Variants in MAST4 observed in about 807,000 individuals in gnomAD.
MAST4 encodes microtubule associated serine/threonine kinase family member 4.
A neutral mutation model predicts 162.7 loss-of-function variants in MAST4; 89 were observed. The ratio of observed to expected loss-of-function variants is 0.55; its 90% CI spans 0.46 to 0.65. The LOEUF (loss-of-function observed/expected upper bound fraction) is 0.65. MAST4 is among the 30% of genes least tolerant of loss of function. The pLI is 0.00. For missense variants in MAST4, 3,153 were observed against 3,374.0 expected (o/e 0.93, Z 1.62); for synonymous variants, 1,479 against 1,361.1 (o/e 1.09, Z -1.91).
intron 1 of MAST4, among the ~76,000 whole-genome samples, chr5:66,751,450 G>A (rs866895005): frequency 1.2e-4 from 18 of 152,320 alleles, no homozygotes; most frequent in African/African-American, 4.3e-4. Context: ...AGTGCTTAAA[G>A]GAGCTGATGG....
chr5:66,747,590 T>C (rs1415651480), intron 1 of MAST4, among the ~76,000 whole-genome samples: 3 of 152,218 alleles, frequency 2.0e-5, no homozygotes, highest in African/African-American at 7.2e-5. Flanking sequence ...TTTGCTGAGA[T>C]TCTATCTGTG....
chr5:67,164,755 T>G lies in MAST4; in HGVS notation c.5576T>G (p.Leu1859Arg), dbSNP rs1336860202. The part of the protein sequence containing the change: ...KKNDTTSARE[L>R]SPSSLKMNKS... ...AACGATACCACCAGTGCAAGAGAGC[T>G]TTCTCCTTCCAGCTTAAAGATGAAT... The change falls in exon 29 of 29, where the codon CTT becomes CGT. Residue 1859 changes from leucine to arginine, a missense_variant. By Grantham distance (102) the Leu-to-Arg change is moderately radical. This residue lies in a region of MAST4 where 1,644 missense variants were observed against 1,495.0 expected (regional missense o/e 1.10). Coordinates refer to ENST00000403625, the MANE Select transcript of MAST4 (RefSeq NM_001164664.2). This position sits in a 1 kb window ranked among gnomAD's most constrained non-coding sequence, Gnocchi z 5.3. 1 of 1,613,792 alleles carries G rather than the reference T, an allele frequency of 6.2e-7. No homozygotes were observed. The highest frequency in any genetic ancestry group is 8.5e-7 in the Non-Finnish European group (1 of 1,179,884).
chr5:66,859,791 T>C (rs1321586311), intron 3 of MAST4, among the ~76,000 whole-genome samples: 1 of 152,210 alleles, frequency 6.6e-6, no homozygotes, highest in Non-Finnish European at 1.5e-5. Flanking sequence ...GAGTGTGTGA[T>C]AGCAGTGATG....
At chr5:67,086,470 T>C (rs1437882084) in intron 5 of MAST4, among the ~76,000 whole-genome samples, 1 of 152,214 alleles carries the variant, frequency 6.6e-6, no homozygotes, top group Non-Finnish European at 1.5e-5. Context: ...ATGTTTTTCC[T>C]ACACTGTTTA....
intron 9 of MAST4, among the ~76,000 whole-genome samples, chr5:67,102,813 C>T (rs950618492): frequency 3.3e-5 from 5 of 152,170 alleles, no homozygotes; most frequent in African/African-American, 7.2e-5. Flanking sequence ...CTGTGCTCTA[C>T]GTGTGCTGAG....
chr5:66,844,713 A>G (rs1031906632), intron 3 of MAST4, among the ~76,000 whole-genome samples: 5 of 152,124 alleles, frequency 3.3e-5, no homozygotes, highest in Non-Finnish European at 5.9e-5. Context: ...CACATAGTAG[A>G]TGCTCAAGAA....
intron 1 of MAST4, among the ~76,000 whole-genome samples, chr5:66,618,908 C>T (rs1011277548): frequency 1.3e-5 from 2 of 152,020 alleles, no homozygotes; most frequent in African/African-American, 2.4e-5. Context: ...TCCAGGGCAT[C>T]GGTGTCTTTC....
At chr5:66,911,962 A>G (rs1487692889) in intron 4 of MAST4, among the ~76,000 whole-genome samples, 7 of 152,202 alleles carry the variant, frequency 4.6e-5, no homozygotes, top group Non-Finnish European at 7.3e-5. Context: ...TCGAGTGCCT[A>G]ACTCTTCCTA....
chr5:67,132,082 C>T (rs1263725529), intron 16 of MAST4, 131 bp downstream of exon 16: 11 of 1,027,880 alleles, frequency 1.1e-5, no homozygotes, highest in Non-Finnish European at 1.3e-5. Context: ...GTTGTTTTAA[C>T]AGTATATATG....
At chr5:66,607,747 GA>G (rs1331549483) in intron 1 of MAST4, among the ~76,000 whole-genome samples, 1 of 152,162 alleles carries the variant, frequency 6.6e-6, no homozygotes, top group Non-Finnish European at 1.5e-5. Context: ...GATGAAATAA[GA>G]GGTCCTTCTT....
At chr5:67,033,781 C>T (rs1415799813) in intron 4 of MAST4, among the ~76,000 whole-genome samples, 2 of 152,074 alleles carry the variant, frequency 1.3e-5, no homozygotes, top group African/African-American at 2.4e-5. Context: ...TAACCACATT[C>T]AGTGATAAGC....
At chr5:67,057,731 TG>T (rs61120937) in intron 5 of MAST4, among the ~76,000 whole-genome samples, 5,285 of 152,042 alleles carry the variant, frequency 0.035, 287 homozygotes, top group African/African-American at 0.12. Flanking sequence ...TCTCTTACAA[TG>T]AAAATTTCTG....
At chr5:66,637,276 G>T (rs2149430145) in intron 1 of MAST4, among the ~76,000 whole-genome samples, 2 of 148,840 alleles carry the variant, frequency 1.3e-5, no homozygotes, top group African/African-American at 5.0e-5. Context: ...TGCAAACCAT[G>T]CTTTGATTAT....
At chr5:66,905,302 CAAA>C (rs60337775) in intron 4 of MAST4, among the ~76,000 whole-genome samples, 2 of 78,458 alleles carry the variant, frequency 2.5e-5, no homozygotes, top group East Asian at 4.3e-4. Flanking sequence ...AACTCTGTCT[CAAA>C]AAAAAAAAAA....
intron 15 of MAST4, 55 bp downstream of exon 15, chr5:67,130,473 G>A (rs1281113812): frequency 2.5e-6 from 4 of 1,568,776 alleles, no homozygotes; most frequent in Middle Eastern, 1.7e-4. Flanking sequence ...GCTCATTTGT[G>A]TTGTTGAAGC....
At chr5:67,082,293 C>A (rs143107555) in intron 5 of MAST4, among the ~76,000 whole-genome samples, 3,217 of 152,056 alleles carry the variant, frequency 0.021, 44 homozygotes, top group Non-Finnish European at 0.032. Context: ...GGACTACAGG[C>A]ACACGCCACC....
rs200286273 is a variant in MAST4 at position 66,788,722 on chromosome 5, A to C, written c.570A>C (p.Ala190=). Reference sequence around the variant, plus strand: ...CGGGACAGGCCTGGCCGGCCTCTGCAGAGACGTCCAACCTCGTGCGCATGC... The same window carrying C: ...CGGGACAGGCCTGGCCGGCCTCTGCCGAGACGTCCAACCTCGTGCGCATGC... The part of the protein sequence containing the change: ...PVAGQAWPAS[A]ETSNLVRMRS... Residue 190 remains alanine (A), a synonymous_variant, in exon 3 of 29, where the codon GCA becomes GCC. Transcript: ENST00000403625. The C allele has an allele frequency of 1.8e-5, 29 of 1,613,392 alleles. 2 individuals are homozygous for C. The Middle Eastern group carries it at 2.3e-3, about 128-fold the overall frequency.
intron 3 of MAST4, among the ~76,000 whole-genome samples, chr5:66,881,092 C>T (rs1196711258): frequency 6.6e-6 from 1 of 152,182 alleles, no homozygotes; most frequent in Non-Finnish European, 1.5e-5. Context: ...ACAGCATCAC[C>T]AGCACCCAGA....
chr5:66,880,887 A>T (rs1761648087), intron 3 of MAST4, among the ~76,000 whole-genome samples: 1 of 152,242 alleles, frequency 6.6e-6, no homozygotes, highest in South Asian at 2.1e-4. Flanking sequence ...CACTGTGCTA[A>T]GTGCTGGAGA....
Sources: gnomAD v4.1 joint callset for allele counts (sites outside exome capture counted in the v4.1 genomes callset) on GRCh38, gnomAD v4.1.1 for gene constraint, gnomAD v4.1.1 regional missense constraint, Gnocchi (gnomAD v3.1) non-coding constraint, MANE v1.5 for transcripts, NCBI Gene and HGNC (gene_info 2026-07-23, HGNC 2026-07-21) for gene names.